The following DMD variants were observed in gnomAD, a reference collection of about 807,000 sequenced individuals.
The protein encoded by DMD is dystrophin.
Under a neutral mutation model 330.1 loss-of-function variants are expected in DMD, and 63 were observed. That is an observed-to-expected ratio of 0.19 (90% CI 0.16 to 0.24). The LOEUF (loss-of-function observed/expected upper bound fraction) is 0.24. Ranked by LOEUF, DMD falls within the 10% of genes least tolerant of loss-of-function variation. The pLI, the probability that DMD is intolerant of heterozygous loss-of-function variation, is 1.00. For synonymous variants in DMD, 1,223 were observed against 959.8 expected (o/e 1.27, Z -5.07); for missense variants, 3,344 against 2,684.1 (o/e 1.25, Z -5.43).
intron 49 of DMD, among the ~76,000 whole-genome samples, chrX:31,829,651 AT>A (rs201372322): frequency 0.11 from 12,803 of 111,428 alleles, 570 homozygotes; most frequent in South Asian, 0.18. Flanking sequence ...GTTTAATACA[AT>A]CATAAAAAAT....
At chrX:33,331,064 C>T (rs1053580817) in intron 1 of DMD, among the ~76,000 whole-genome samples, 1 of 112,269 alleles carries the variant, frequency 8.9e-6, no homozygotes, top group African/African-American at 3.2e-5. Context: ...TAGCACAGAG[C>T]CTGGCAGTTA....
intron 2 of DMD, among the ~76,000 whole-genome samples, chrX:33,000,157 TA>T (rs959722369): frequency 6.3e-5 from 7 of 111,831 alleles, no homozygotes; most frequent in African/African-American, 2.3e-4. Flanking sequence ...AGTTTTAGTA[TA>T]GGGGTGTTTT....
At chrX:31,141,438 C>A (rs957043885) in intron 76 of DMD, among the ~76,000 whole-genome samples, 7 of 112,092 alleles carry the variant, frequency 6.2e-5, no homozygotes, top group African/African-American at 2.3e-4. Flanking sequence ...ACTGAAGTTT[C>A]TGGAAGATAG....
chrX:31,223,968 T>A (rs1443317699), intron 63 of DMD, among the ~76,000 whole-genome samples: 1 of 112,096 alleles, frequency 8.9e-6, no homozygotes, highest in Non-Finnish European at 1.9e-5. Flanking sequence ...TATATGTTAC[T>A]GTGGTTTCTG....
At chrX:33,010,011 T>G (rs1274862019) in intron 2 of DMD, among the ~76,000 whole-genome samples, 1 of 84,873 alleles carries the variant, frequency 1.2e-5, no homozygotes, top group Non-Finnish European at 2.4e-5. Context: ...TGTATGTGTA[T>G]ATACACATAT....
rs762843080 is a variant in DMD at position 33,249,892 on chromosome X, C to T, written c.7+89367G>A. Among the ~76,000 whole-genome samples the T allele has an allele frequency of 1.3e-4, 14 of 109,873 alleles. 1 individual carries two copies. The highest frequency in any genetic ancestry group is 4.3e-4 in the African/African-American group (13 of 29,975). On this transcript the variant is annotated intron_variant, in intron 1 of 17. Transcript: ENST00000288447. ...TGTTCCATTCAGGTATCAAGGGATACTGTACTCAGAGAATGCACCATCTGA... is the reference window on the plus strand; with the variant it reads ...TGTTCCATTCAGGTATCAAGGGATATTGTACTCAGAGAATGCACCATCTGA...
At chrX:33,019,808 C>T (rs761751450) in intron 2 of DMD, among the ~76,000 whole-genome samples, 1 of 111,073 alleles carries the variant, frequency 9.0e-6, no homozygotes, top group African/African-American at 3.3e-5. Context: ...AACAAAATTC[C>T]CTCATATCTT....
intron 2 of DMD, among the ~76,000 whole-genome samples, chrX:32,960,008 C>T (rs73621847): frequency 0.024 from 2,641 of 111,751 alleles, 81 homozygotes; most frequent in African/African-American, 0.082. Context: ...TCTTAACTGC[C>T]TGCCCTCTAG....
chrX:31,549,795 G>A (rs779910528), intron 55 of DMD, among the ~76,000 whole-genome samples: 1 of 112,163 alleles, frequency 8.9e-6, no homozygotes, highest in Non-Finnish European at 1.9e-5. Context: ...ATGACTTACA[G>A]CATAAGTTAT....
intron 6 of DMD, among the ~76,000 whole-genome samples, chrX:32,809,943 AAAAG>A (rs553322206): frequency 1.5e-3 from 123 of 83,976 alleles, no homozygotes; most frequent in African/African-American, 4.9e-3. Context: ...AAAAAAAAAA[AAAAG>A]AAAGAAAGAA....
chrX:31,716,999 G>A (rs1457259463), intron 52 of DMD, among the ~76,000 whole-genome samples: 1 of 110,648 alleles, frequency 9.0e-6, no homozygotes, highest in Non-Finnish European at 1.9e-5. Context: ...TCCTGGTTCC[G>A]CTATCTGTGT....
intron 2 of DMD, among the ~76,000 whole-genome samples, chrX:32,850,852 A>C (rs2149023786): frequency 8.9e-6 from 1 of 111,863 alleles, no homozygotes; most frequent in South Asian, 3.7e-4. Flanking sequence ...GCATGAATAA[A>C]CCTGAGCTAG....
intron 48 of DMD, among the ~76,000 whole-genome samples, chrX:31,856,988 T>A (rs2093622665): frequency 8.9e-6 from 1 of 112,043 alleles, no homozygotes. Flanking sequence ...TGTAGTTTCA[T>A]GTTTCAGTAA....
rs1402505966 is a variant in DMD, at chrX:33,085,430, C to A, written c.32-65230G>T. Among the ~76,000 whole-genome samples the A allele has an allele frequency of 4.5e-5, 5 of 111,672 alleles. No homozygotes were observed. The East Asian group carries it at 1.4e-3, about 32-fold the overall frequency. On this transcript the variant is annotated intron_variant, in intron 1 of 78. Coordinates refer to ENST00000357033, the MANE Select transcript of DMD (RefSeq NM_004006.3). The stretch of plus-strand genomic sequence containing the variant: ...TACACCATACTTGTTCCTAGTAAAA[C>A]AAGCTTCAGCCACTGTTCTCTATAA...
chrX:32,422,748 G>A (rs764934831), intron 29 of DMD, among the ~76,000 whole-genome samples: 38 of 111,135 alleles, frequency 3.4e-4, no homozygotes, highest in African/African-American at 1.2e-3. Flanking sequence ...AAGAAATGTT[G>A]TTTAACATTC....
At chrX:33,118,222 T>C (rs1424407710) in intron 1 of DMD, among the ~76,000 whole-genome samples, 3 of 105,826 alleles carry the variant, frequency 2.8e-5, no homozygotes, top group Non-Finnish European at 5.8e-5. Flanking sequence ...GCCATTCTCC[T>C]GCCTCAGCCT....
Position 31,169,454 on chromosome X carries a change from C to T in DMD, c.10542G>A (p.Glu3514=). The T allele has an allele frequency of 8.3e-7, 1 of 1,205,981 alleles. No individual in the cohort carries two copies. Among genetic ancestry groups the T allele is most frequent in the Non-Finnish European group, 1.1e-6 (1 of 891,171 alleles). Residue 3514 remains glutamate (E), a synonymous_variant, in exon 74 of 79, where the codon GAG becomes GAA. Coordinates refer to ENST00000357033, the MANE Select transcript of DMD (RefSeq NM_004006.3). ...GAAAGAAAACTCACCTGTTTTCTTC[C>T]TCAAGATCTGCTAGGATTCTCTCTA... is the stretch of plus-strand genomic sequence containing the variant. The part of the protein sequence containing the change: ...GELERILADL[E]EENRNLQAEY...
At chrX:32,747,940 T>G (rs1254332964) in intron 7 of DMD, among the ~76,000 whole-genome samples, 1 of 112,112 alleles carries the variant, frequency 8.9e-6, no homozygotes, top group Non-Finnish European at 1.9e-5. Context: ...CTTTTAATAA[T>G]AGTAAAAAAG....
chrX:31,326,227 C>T (rs924219646), intron 61 of DMD, among the ~76,000 whole-genome samples: 1 of 110,538 alleles, frequency 9.0e-6, no homozygotes, highest in African/African-American at 3.3e-5. Context: ...CTAGAGTTGA[C>T]TTTTTATGTT....
Sources: allele counts gnomAD v4.1 joint callset (sites outside exome capture counted in the v4.1 genomes callset), GRCh38; gene constraint gnomAD v4.1.1; transcripts MANE v1.5; gene names NCBI Gene and HGNC (gene_info 2026-07-23, HGNC 2026-07-21).